SRPK2: variants seen among roughly 807,000 people sequenced by gnomAD.
The protein encoded by SRPK2 is SRSF protein kinase 2.
A neutral mutation model predicts 90.8 loss-of-function variants in SRPK2; 21 were observed. The ratio of observed to expected loss-of-function variants is 0.23; its 90% CI spans 0.16 to 0.33. The LOEUF (loss-of-function observed/expected upper bound fraction) is 0.33, where lower values mean the gene tolerates loss of function less well. Ranked by LOEUF, SRPK2 falls within the 10% of genes least tolerant of loss-of-function variation. The probability of loss-of-function intolerance (pLI) is 1.00; values close to 1 mark genes in which losing one functional copy is unlikely to be tolerated. For missense variants in SRPK2, 620 were observed against 869.0 expected, an observed-to-expected ratio of 0.71 and a Z score of 3.60; for synonymous variants, 288 against 311.1, an observed-to-expected ratio of 0.93 and a Z score of 0.78.
At position 105,175,082 on chromosome 7, in the gene SRPK2, C is replaced by T. The variant is rs543147712; in HGVS notation, c.230-5817G>A. ...TCTTGAACCCAGGAGGCAGAGGTTG[C>T]GGAGTCGAGATCACACCACTGCACT... is the stretch of plus-strand genomic sequence containing the variant. On this transcript the variant is annotated intron_variant, in intron 3 of 15. Transcript: ENST00000393651. Among the ~76,000 whole-genome samples, 13 of 151,004 alleles carry T rather than the reference C, an allele frequency of 8.6e-5. No homozygotes were observed. The South Asian group carries it at 1.5e-3, about 17-fold the overall frequency.
At chr7:105,272,477 A>G (rs1291591649) in intron 2 of SRPK2, among the ~76,000 whole-genome samples, 1 of 152,188 alleles carries the variant, frequency 6.6e-6, no homozygotes, top group Non-Finnish European at 1.5e-5. Flanking sequence ...TAACTGCTAA[A>G]TAACATTATA....
Position 105,356,539 on chromosome 7 carries a change from TACTC to T in SRPK2, c.71+32105_71+32108del, listed in dbSNP as rs141737996. On this transcript the variant is annotated intron_variant, in intron 2 of 15. Transcript: ENST00000393651. ...TACACAATAAATACTTAATAAATGT[TACTC>T]ACTATATTAGCTATTTTTTGTAGCT... 1.1e-4 allele frequency among the ~76,000 whole-genome samples: 16 copies of T among 152,332 alleles called. No homozygotes were observed. In the East Asian group the frequency reaches 2.1e-3, roughly 20 times the overall value.
chr7:105,397,716 T>A (rs1563330135), intron 1 of SRPK2, among the ~76,000 whole-genome samples: 1 of 151,828 alleles, frequency 6.6e-6, no homozygotes, highest in Non-Finnish European at 1.5e-5. Context: ...CCATCTGAGC[T>A]CACTACAACC....
chr7:105,137,006 A>G (rs1425026368), intron 11 of SRPK2, among the ~76,000 whole-genome samples: 1 of 152,226 alleles, frequency 6.6e-6, no homozygotes. Context: ...TAAACAGGCT[A>G]TGAAGAAAAA....
intron 1 of SRPK2, among the ~76,000 whole-genome samples, chr7:105,395,882 C>T (rs1020723867): frequency 6.6e-6 from 1 of 152,122 alleles, no homozygotes; most frequent in Non-Finnish European, 1.5e-5. Flanking sequence ...ATTAGCTTTA[C>T]ACATACTATA....
chr7:105,248,367 G>C (rs1457029298), intron 2 of SRPK2, among the ~76,000 whole-genome samples: 1 of 147,644 alleles, frequency 6.8e-6, no homozygotes, highest in African/African-American at 2.5e-5. Flanking sequence ...GAGGAAACAA[G>C]ATTGTTTAAG....
intron 2 of SRPK2, among the ~76,000 whole-genome samples, chr7:105,274,798 T>C (rs1239853059): frequency 1.3e-5 from 2 of 152,142 alleles, no homozygotes; most frequent in South Asian, 4.1e-4. Flanking sequence ...CTGGTTTTAG[T>C]CTGGGAGATG....
At chr7:105,166,642 A>G (rs1032098589) in intron 6 of SRPK2, among the ~76,000 whole-genome samples, 1 of 152,364 alleles carries the variant, frequency 6.6e-6, no homozygotes, top group African/African-American at 2.4e-5. Context: ...TTTGTAAAGA[A>G]AAACAATAAA....
intron 2 of SRPK2, among the ~76,000 whole-genome samples, chr7:105,288,188 G>A (rs796175106): frequency 3.3e-5 from 5 of 152,304 alleles, no homozygotes; most frequent in South Asian, 2.1e-4. Flanking sequence ...AGAGACTAGC[G>A]TTAAAAACTT....
Position 105,388,919 on chromosome 7 carries a change from C to T in SRPK2, c.-113G>A. ...CGGCCGGGAGGAGACGAGAACCGCGCCTGCGCCGCCGCCGCCGCCGCCGCT... is the reference window on the plus strand; with the variant it reads ...CGGCCGGGAGGAGACGAGAACCGCGTCTGCGCCGCCGCCGCCGCCGCCGCT... On this transcript the variant is annotated 5_prime_UTR_variant, in exon 1 of 16. Transcript: ENST00000393651. 8.3e-7 allele frequency: 1 copy of T among 1,210,068 alleles called. No homozygotes were observed. The highest frequency in any genetic ancestry group is 1.0e-6 in the Non-Finnish European group (1 of 977,140). 75.0% of individuals were successfully genotyped at this position (1,210,068 alleles called of 1,614,324 possible).
At chr7:105,379,728 C>T (rs1051421378) in intron 2 of SRPK2, among the ~76,000 whole-genome samples, 3 of 152,164 alleles carry the variant, frequency 2.0e-5, no homozygotes, top group African/African-American at 7.2e-5. Flanking sequence ...CCTGTAATCC[C>T]AGCACTTTGG....
chr7:105,155,326 C>A (rs1584979484), intron 7 of SRPK2, among the ~76,000 whole-genome samples: 2 of 152,246 alleles, frequency 1.3e-5, no homozygotes, highest in Admixed American at 1.3e-4. Context: ...TTATGCATTA[C>A]TATTTCGAGT....
At chr7:105,137,972 C>G (rs1452923401) in intron 11 of SRPK2, among the ~76,000 whole-genome samples, 4 of 152,170 alleles carry the variant, frequency 2.6e-5, no homozygotes, top group Non-Finnish European at 5.9e-5. Context: ...AATGGCCAAG[C>G]TGCGGGCGAA....
intron 2 of SRPK2, among the ~76,000 whole-genome samples, chr7:105,313,450 A>C (rs1811953907): frequency 6.7e-6 from 1 of 150,280 alleles, no homozygotes; most frequent in Admixed American, 6.6e-5. Flanking sequence ...CCATCTCAAA[A>C]AAAAAAAAAA....
intron 2 of SRPK2, among the ~76,000 whole-genome samples, chr7:105,290,986 C>A (rs537448536): frequency 7.2e-6 from 1 of 139,494 alleles, no homozygotes. Flanking sequence ...TGCAGTGAGC[C>A]GAGATTGCGC....
At chr7:105,191,081 T>C (rs1794223363) in intron 3 of SRPK2, among the ~76,000 whole-genome samples, 1 of 152,046 alleles carries the variant, frequency 6.6e-6, no homozygotes, top group Non-Finnish European at 1.5e-5. Flanking sequence ...ACAGAAAAAA[T>C]AGCCCAGAAA....
At chr7:105,184,395 T>C (rs1213761563) in intron 3 of SRPK2, among the ~76,000 whole-genome samples, 1 of 152,232 alleles carries the variant, frequency 6.6e-6, no homozygotes, top group Non-Finnish European at 1.5e-5. Flanking sequence ...TATGTTGTTA[T>C]AAAATTTACC....
At chr7:105,121,145 C>G (rs1424107678) in intron 15 of SRPK2, among the ~76,000 whole-genome samples, 1 of 152,036 alleles carries the variant, frequency 6.6e-6, no homozygotes, top group Admixed American at 6.6e-5. Flanking sequence ...GTCAGGAGTT[C>G]GAGACCAACC....
chr7:105,344,272 A>C (rs1443155329), intron 2 of SRPK2, among the ~76,000 whole-genome samples: 2 of 146,364 alleles, frequency 1.4e-5, no homozygotes, highest in Non-Finnish European at 3.0e-5. Flanking sequence ...GTTTCAAAAA[A>C]ACTTTATTTA....
Sources: allele counts gnomAD v4.1 joint callset (sites outside exome capture counted in the v4.1 genomes callset), GRCh38; gene constraint gnomAD v4.1.1; transcripts MANE v1.5; gene names NCBI Gene and HGNC (gene_info 2026-07-23, HGNC 2026-07-21).